The following MYO1C variants were observed in gnomAD, a reference collection of about 807,000 sequenced individuals.
The protein encoded by MYO1C is myosin IC, also known as unconventional myosin-Ic.
In MYO1C, 104 loss-of-function variants were observed where a neutral mutation model predicts 150.8. That is an observed-to-expected ratio of 0.69 (90% confidence interval 0.59 to 0.81). MYO1C has a LOEUF of 0.81. MYO1C is among the 30% of genes least tolerant of loss of function. The probability of loss-of-function intolerance (pLI) is 0.00; values close to 1 mark genes in which losing one functional copy is unlikely to be tolerated. For synonymous variants in MYO1C, 663 were observed against 579.9 expected (o/e 1.14, Z -2.06); for missense variants, 1,504 against 1,435.0 (o/e 1.05, Z -0.78).
rs775650927 is a variant in MYO1C, at chr17:1,467,203, C to T, written c.3165+39G>A. The T allele has an allele frequency of 3.8e-6, 6 of 1,565,522 alleles. No homozygotes were observed. The Admixed American group carries it at 1.1e-4, about 28-fold the overall frequency. On this transcript the variant is annotated intron_variant, in intron 31 of 31. Coordinates refer to ENST00000648651, the MANE Select transcript of MYO1C (RefSeq NM_001080779.2). ...GCACAGCCAAGGAAGGCTTGGCTAT[C>T]ACAGCCAGGCCATAAGCGGGAAAGC...
Position 1,479,132 on chromosome 17 carries a change from T to C in MYO1C, c.1092+299A>G, listed in dbSNP as rs901328253. On this transcript the variant is annotated intron_variant, in intron 9 of 31. Transcript: ENST00000648651. This position sits in a 1 kb window ranked among gnomAD's most constrained non-coding sequence, Gnocchi z 4.2. Reference sequence around the variant, plus strand: ...GCCTCAGCCTCCCGAGTAGCTGGGATTACAGGCGCCCGCCACCATGCCCGG... The same window carrying C: ...GCCTCAGCCTCCCGAGTAGCTGGGACTACAGGCGCCCGCCACCATGCCCGG... Among the ~76,000 whole-genome samples, 4 of 152,080 alleles carry C rather than the reference T, an allele frequency of 2.6e-5. No homozygotes were observed. Among genetic ancestry groups the C allele is most frequent in the African/African-American group, 9.7e-5 (4 of 41,416 alleles).
chr17:1,486,374 G>A (rs879681858), intron 1 of MYO1C, among the ~76,000 whole-genome samples: 4 of 152,150 alleles, frequency 2.6e-5, no homozygotes, highest in African/African-American at 9.7e-5. Flanking sequence ...AGCGCGCGGA[G>A]TACCCGGCCC....
At position 1,467,382 on chromosome 17, in the gene MYO1C, G is replaced by A. The variant is rs368727574; in HGVS notation, c.3066-41C>T. On this transcript the variant is annotated intron_variant, in intron 30 of 31. Coordinates refer to ENST00000648651, the MANE Select transcript of MYO1C (RefSeq NM_001080779.2). ...GGGTGAGGGTTTTTCCATGGAGGCA[G>A]ACCCCCAACCCTAAGGTGGACCCCC... The A allele has an allele frequency of 9.4e-5, 150 of 1,598,668 alleles. 1 individual carries two copies. The highest frequency in any genetic ancestry group is 3.3e-4 in the Middle Eastern group (2 of 6,050).
chr17:1,486,381 G>GCCCCTCTGGAGGGCTCAGTTC, intron 1 of MYO1C, among the ~76,000 whole-genome samples: 1 of 152,208 alleles, frequency 6.6e-6, no homozygotes, highest in East Asian at 1.9e-4. Context: ...GGAGTACCCG[G>GCCCCTCTGGAGGGCTCAGTTC]CCCCTCTGGA....
rs45456691 is a variant in MYO1C at position 1,478,227 on chromosome 17, T to C, written c.1296-35A>G. ...AGGAGAAGAGCCCACAGTGGCTCAG[T>C]GGGGACACAGGACCAGGAGAGGGGA... On this transcript the variant is annotated intron_variant, in intron 11 of 31. Transcript: ENST00000648651. The surrounding 1 kb of genome is among the most constrained non-coding windows in gnomAD (Gnocchi z 6.3). 477,138 of 1,600,532 alleles carry C rather than the reference T, an allele frequency of 0.3. 73,838 individuals are homozygous for C. The highest frequency in any genetic ancestry group is 0.51 in the African/African-American group (38,229 of 74,712).
chr17:1,467,289 C>G lies in MYO1C; in HGVS notation c.3118G>C (p.Gly1040Arg). ...GRDGTIDFTP[G>R]SELLITKAKN... ...GCCTTGGTGATGAGCAGCTCCGAGC[C>G]GGGTGTGAAGTCAATGGTGCCATCC... The change falls in exon 31 of 32, where the codon GGC becomes CGC. Residue 1040 changes from glycine to arginine, a missense_variant. By Grantham distance (125) the Gly-to-Arg change is moderately radical. Transcript: ENST00000648651. 6.2e-7 allele frequency: 1 copy of G among 1,613,666 alleles called. No individual in the cohort carries two copies. Among genetic ancestry groups the G allele is most frequent in the Non-Finnish European group, 8.5e-7 (1 of 1,179,882 alleles).
At chr17:1,482,613 A>ACC in intron 4 of MYO1C, 55 bp from the exon 5 acceptor site, 4 of 890,366 alleles carry the variant, frequency 4.5e-6, no homozygotes, top group South Asian at 1.9e-5. Flanking sequence ...TGCCCTCCCC[A>ACC]CCCCGCCTTG....
intron 5 of MYO1C, chr17:1,481,266 C>G (rs554541427): frequency 3.6e-6 from 1 of 280,496 alleles, no homozygotes; most frequent in Admixed American, 4.8e-5. Context: ...TCCTGGAAGC[C>G]TGTGTTTCTC....
chr17:1,465,752 C>T lies in MYO1C; in HGVS notation c.3166G>A (p.Val1056Ile). 3 of 1,321,852 alleles carry T rather than the reference C, an allele frequency of 2.3e-6. No homozygotes were observed. The highest frequency in any genetic ancestry group is 5.6e-5 in the South Asian group (2 of 35,414). The allele number at this position is 1,321,852 out of a possible 1,614,324, so 81.9% of individuals were successfully genotyped here. ...CACCGAGAATTCAGCCGTGGGGCGA[C>T]CTGTGGGGGCGGAGAGAGACGGCCA... ...TKAKNGHLAV[V>I]APRLNSR is the part of the protein sequence containing the mutation. The change falls in exon 32 of 32, where the codon GTC becomes ATC. Residue 1056 changes from valine to isoleucine, a missense_variant and splice_region_variant. Val to Ile is a conservative substitution (Grantham distance 29). Coordinates refer to ENST00000648651, the MANE Select transcript of MYO1C (RefSeq NM_001080779.2).
Position 1,483,737 on chromosome 17 carries a change from G to A in MYO1C, c.232-12C>T. 1 of 1,593,214 alleles carries A rather than the reference G, an allele frequency of 6.3e-7. No individual in the cohort carries two copies. The highest frequency in any genetic ancestry group is 8.6e-7 in the Non-Finnish European group (1 of 1,167,274). On this transcript the variant is annotated splice_polypyrimidine_tract_variant and intron_variant, in intron 2 of 31. Coordinates refer to ENST00000648651, the MANE Select transcript of MYO1C (RefSeq NM_001080779.2). ...GGGCCAATGTAGGTCTGGGATCGGGGGAAGAGGGTCCAAAGTTTATCCCGG... is the reference window on the plus strand; with the variant it reads ...GGGCCAATGTAGGTCTGGGATCGGGAGAAGAGGGTCCAAAGTTTATCCCGG...
At chr17:1,469,376 G>C (rs916623586) in intron 25 of MYO1C, 155 bp downstream of exon 25, 1 of 720,514 alleles carries the variant, frequency 1.4e-6, no homozygotes, top group South Asian at 1.5e-5. Context: ...AAATAGAGTA[G>C]ACCAGGGTAA....
intron 19 of MYO1C, 81 bp downstream of exon 19, chr17:1,471,826 A>G: frequency 1.4e-6 from 2 of 1,440,528 alleles, no homozygotes; most frequent in Non-Finnish European, 2.0e-6. Flanking sequence ...GGGGCCGAGA[A>G]CCCTTGTCTG....
chr17:1,471,396 A>G (rs1359394960), intron 19 of MYO1C, 60 bp from the exon 20 acceptor site: 3 of 1,456,690 alleles, frequency 2.1e-6, no homozygotes, highest in Non-Finnish European at 1.9e-6. Flanking sequence ...GGGGACCCCA[A>G]TCAGCTTTCT....
In MYO1C at chr17:1,477,162, C is replaced by A. The variant is rs2074417084; in HGVS notation, c.1574+343G>T. On this transcript the variant is annotated intron_variant, in intron 14 of 31. Transcript: ENST00000648651. ...CCTTCTTTCTCTTTTTTAAAAAATT[C>A]ATTATTTATTTTTTTCCCTTTTTTT... is the stretch of plus-strand genomic sequence containing the variant. 3.4e-5 allele frequency: 9 copies of A among 265,898 alleles called. No homozygotes were observed. The South Asian group carries it at 4.8e-4, about 14-fold the overall frequency. 16.5% of individuals were successfully genotyped at this position (265,898 alleles called of 1,614,324 possible). A position where few individuals can be genotyped will look rare whatever the true frequency, so the allele number is the denominator to read the frequency against.
intron 1 of MYO1C, among the ~76,000 whole-genome samples, chr17:1,487,666 C>T (rs141366462): frequency 0.013 from 1,986 of 152,244 alleles, 45 homozygotes; most frequent in African/African-American, 0.046. Context: ...GCCTGTAATC[C>T]CAGCGCTTTC....
rs146685153 is a variant in MYO1C at position 1,479,595 on chromosome 17, G to A, written c.1017C>T (p.Thr339=). The change falls in exon 8 of 32, where the codon ACC becomes ACT. Residue 339 remains threonine, a synonymous_variant. Coordinates refer to ENST00000648651, the MANE Select transcript of MYO1C (RefSeq NM_001080779.2). The surrounding 1 kb of genome is among the most constrained non-coding windows in gnomAD (Gnocchi z 4.2). ...GCCCTCTGCCCGCCCCACTCACCCTGGTCAGATACTTGAGCTGGTTCTCGG... is the reference window on the plus strand; with the variant it reads ...GCCCTCTGCCCGCCCCACTCACCCTAGTCAGATACTTGAGCTGGTTCTCGG... ...VTTENQLKYL[T]RLLSVEGSTL... The A allele has an allele frequency of 1.3e-4, 207 of 1,609,688 alleles. No individual in the cohort carries two copies. The highest frequency in any genetic ancestry group is 1.7e-4 in the Non-Finnish European group (198 of 1,177,462).
At chr17:1,485,677 G>A (rs1381200619) in intron 1 of MYO1C, 2 of 1,203,510 alleles carry the variant, frequency 1.7e-6, no homozygotes, top group Non-Finnish European at 2.1e-6. Flanking sequence ...GCCCTGCCCC[G>A]CCGCCCCCAG....
rs2074449177 is a variant in MYO1C, at chr17:1,478,611, C to G, written c.1212+5G>C. ...CCTTGGGAGCAGTGTGGACCGAGCC[C>G]TCACCTTGGAGGCCAGCGACCTGTT... On this transcript the variant is annotated splice_donor_5th_base_variant and intron_variant, in intron 10 of 31. Transcript: ENST00000648651. The surrounding 1 kb of genome is among the most constrained non-coding windows in gnomAD (Gnocchi z 6.3). The G allele has an allele frequency of 6.2e-7, 1 of 1,613,948 alleles. No homozygotes were observed. Among genetic ancestry groups the G allele is most frequent in the Non-Finnish European group, 8.5e-7 (1 of 1,180,004 alleles).
chr17:1,470,454 C>T lies in MYO1C; in HGVS notation c.2347G>A (p.Ala783Thr). ...GCTCACCGCCGGATGGTCTGTGCCG[C>T]CCACTTCCTCTTGGCTGCCTTCCTC... ...GRRKAAKRKWAAQTIRRLIRG... is the reference protein window; with the variant it reads ...GRRKAAKRKWTAQTIRRLIRG... The change falls in exon 23 of 32, where the codon GCG becomes ACG. Residue 783 changes from alanine to threonine, a missense_variant. Physicochemically the swap from Ala to Thr is moderately conservative, Grantham distance 58. Transcript: ENST00000648651. 1.3e-6 allele frequency: 2 copies of T among 1,550,758 alleles called. No individual in the cohort carries two copies.
Sources: gnomAD v4.1 joint callset for allele counts (sites outside exome capture counted in the v4.1 genomes callset) on GRCh38, gnomAD v4.1.1 for gene constraint, Gnocchi (gnomAD v3.1) non-coding constraint, MANE v1.5 for transcripts, NCBI Gene and HGNC (gene_info 2026-07-23, HGNC 2026-07-21) for gene names.